GSDMC: variants seen among roughly 807,000 people sequenced by gnomAD.
GSDMC encodes the protein gasdermin C, also known as gasdermin-C.
Under a neutral mutation model 58.0 loss-of-function variants are expected in GSDMC, and 59 were observed. The ratio of observed to expected loss-of-function variants is 1.02; its 90% confidence interval spans 0.82 to 1.26. GSDMC has a LOEUF of 1.26. Ranked by LOEUF, GSDMC falls within the 50% of genes most tolerant of loss-of-function variation. The pLI, the probability that GSDMC is intolerant of heterozygous loss-of-function variation, is 0.00. For synonymous variants in GSDMC, 241 were observed against 220.2 expected (o/e 1.09, Z -0.83); for missense variants, 659 against 598.5 (o/e 1.10, Z -1.06).
chr8:129,744,273 A>G (rs762309936), downstream of GSDMC, among the ~76,000 whole-genome samples: 1 of 152,158 alleles, frequency 6.6e-6, no homozygotes, highest in Non-Finnish European at 1.5e-5. Flanking sequence ...GTTGTTTAGT[A>G]TATTTTGGTG....
At chr8:129,707,469 G>T in the GSDMC span, among the ~76,000 whole-genome samples, 1 of 152,266 alleles carries the variant, frequency 6.6e-6, no homozygotes, top group East Asian at 1.9e-4. Flanking sequence ...AGGAAAAAAT[G>T]TAAGTACCAT....
At chr8:129,725,590 G>A in the GSDMC span, among the ~76,000 whole-genome samples, 1 of 152,100 alleles carries the variant, frequency 6.6e-6, no homozygotes, top group Non-Finnish European at 1.5e-5. Flanking sequence ...TCCATTTGTT[G>A]CTTTTGAGTC....
chr8:129,731,536 G>A, the GSDMC span, among the ~76,000 whole-genome samples: 516 of 152,366 alleles, frequency 3.4e-3, 3 homozygotes, highest in African/African-American at 0.012. Flanking sequence ...CCAAAACCTG[G>A]AGTGTGAGGC....
the GSDMC span, among the ~76,000 whole-genome samples, chr8:129,714,421 A>T: frequency 6.6e-6 from 1 of 152,208 alleles, no homozygotes; most frequent in Non-Finnish European, 1.5e-5. Flanking sequence ...TCATCCAACC[A>T]GTGTTTCTCA....
intron 11 of GSDMC, 53 bp from the exon 12 acceptor site, chr8:129,750,172 T>C (rs1435745763): frequency 1.9e-5 from 27 of 1,389,598 alleles, no homozygotes; most frequent in South Asian, 7.6e-5. Flanking sequence ...AGTAATGTTA[T>C]ATAATTTGCC....
the GSDMC span, among the ~76,000 whole-genome samples, chr8:129,738,995 CCA>C: frequency 6.6e-6 from 1 of 152,018 alleles, no homozygotes; most frequent in Non-Finnish European, 1.5e-5. Flanking sequence ...AGCTTGAAGA[CCA>C]GTTTTTGAAC....
intron 12 of GSDMC, 56 bp downstream of exon 12, chr8:129,749,934 C>A: frequency 2.1e-6 from 3 of 1,454,002 alleles, no homozygotes; most frequent in South Asian, 1.4e-5. Context: ...CAGCTTTTTG[C>A]GGGTCCTGGG....
chr8:129,731,987 T>C, the GSDMC span, among the ~76,000 whole-genome samples: 6 of 152,288 alleles, frequency 3.9e-5, no homozygotes, highest in Admixed American at 2.6e-4. Flanking sequence ...AACGTGGTGC[T>C]GTCTGGCAAA....
chr8:129,744,529 T>A (rs1489979902), downstream of GSDMC, among the ~76,000 whole-genome samples: 1 of 152,196 alleles, frequency 6.6e-6, no homozygotes, highest in Non-Finnish European at 1.5e-5. Flanking sequence ...TCCAACATAA[T>A]GGTAATTTCA....
intron 6 of GSDMC, among the ~76,000 whole-genome samples, chr8:129,755,694 C>G (rs1164054973): frequency 6.6e-6 from 1 of 151,846 alleles, no homozygotes; most frequent in East Asian, 1.9e-4. Context: ...AGACAAACAA[C>G]AAGAAGTTAG....
At chr8:129,727,932 A>T in the GSDMC span, among the ~76,000 whole-genome samples, 1 of 151,932 alleles carries the variant, frequency 6.6e-6, no homozygotes, top group African/African-American at 2.4e-5. Context: ...GCAACCTGGA[A>T]CCCCCCTGCA....
the GSDMC span, among the ~76,000 whole-genome samples, chr8:129,723,314 C>A: frequency 6.6e-5 from 10 of 152,064 alleles, no homozygotes; most frequent in Non-Finnish European, 1.0e-4. Flanking sequence ...GATCTCGGCT[C>A]ACTGCAACCT....
rs1586599197 is a variant in GSDMC at position 129,765,810 on chromosome 8, G to A, written c.405-17C>T. On this transcript the variant is annotated splice_polypyrimidine_tract_variant and intron_variant, in intron 3 of 13. Transcript: ENST00000276708. ...AACAGTTTCCTGGGGATTTAAGGAA[G>A]GAGGACAAGAGTCAGAGTGGGAAAG... 3 of 1,610,056 alleles carry A rather than the reference G, an allele frequency of 1.9e-6. No individual in the cohort carries two copies. The highest frequency in any genetic ancestry group is 2.5e-6 in the Non-Finnish European group (3 of 1,177,996).
chr8:129,745,557 A>C (rs2130297924), downstream of GSDMC, among the ~76,000 whole-genome samples: 1 of 152,186 alleles, frequency 6.6e-6, no homozygotes. Flanking sequence ...AAATAATGAC[A>C]CTTGTTACTT....
the GSDMC span, among the ~76,000 whole-genome samples, chr8:129,717,272 T>TG: frequency 1.5e-4 from 19 of 123,818 alleles, no homozygotes; most frequent in African/African-American, 5.6e-4. Flanking sequence ...TTTTTTTTTT[T>TG]ATTGGTAGGC....
chr8:129,712,416 T>A, the GSDMC span, among the ~76,000 whole-genome samples: 1 of 152,040 alleles, frequency 6.6e-6, no homozygotes, highest in Non-Finnish European at 1.5e-5. Context: ...AGCAGGCCAG[T>A]TCTGGTGCTA....
the GSDMC span, among the ~76,000 whole-genome samples, chr8:129,733,916 T>TA: frequency 6.6e-6 from 1 of 152,110 alleles, no homozygotes; most frequent in African/African-American, 2.4e-5. Context: ...ACAAGGAAGC[T>TA]AAAAACCTTG....
the GSDMC span, among the ~76,000 whole-genome samples, chr8:129,724,633 A>G: frequency 6.6e-6 from 1 of 151,992 alleles, no homozygotes; most frequent in South Asian, 2.1e-4. Flanking sequence ...CTAATTTTGT[A>G]TAGAAAACTA....
intron 6 of GSDMC, among the ~76,000 whole-genome samples, chr8:129,756,555 C>T (rs937736955): frequency 1.3e-5 from 2 of 152,094 alleles, no homozygotes; most frequent in African/African-American, 4.8e-5. Context: ...GCAAATAGAG[C>T]TAATAGATAC....
Sources: allele counts gnomAD v4.1 joint callset (sites outside exome capture counted in the v4.1 genomes callset), GRCh38; gene constraint gnomAD v4.1.1; transcripts MANE v1.5; gene names NCBI Gene and HGNC (gene_info 2026-07-23, HGNC 2026-07-21).